The following SORBS2 variants were observed in gnomAD, a reference collection of about 807,000 sequenced individuals.
SORBS2 encodes sorbin and SH3 domain-containing protein 2.
SORBS2 carries 46 observed loss-of-function variants against 97.7 expected under a neutral mutation model. The ratio of observed to expected loss-of-function variants is 0.47; its 90% CI spans 0.37 to 0.60. The LOEUF is 0.60. SORBS2 is among the 20% of genes least tolerant of loss of function. The pLI, the probability that SORBS2 is intolerant of heterozygous loss-of-function variation, is 0.00. For missense variants in SORBS2, 1,316 were observed against 1,282.3 expected (o/e 1.03, Z -0.40); for synonymous variants, 476 against 473.4 (o/e 1.01, Z -0.07).
At chr4:185,767,848 G>C (rs2098945657) in intron 2 of SORBS2, among the ~76,000 whole-genome samples, 1 of 152,144 alleles carries the variant, frequency 6.6e-6, no homozygotes, top group African/African-American at 2.4e-5. Context: ...GAGCCTGATG[G>C]TGAGACTTTT....
intron 2 of SORBS2, 110 bp from the exon 12 acceptor site, chr4:185,649,766 T>C (rs2097280306): frequency 1.6e-6 from 1 of 611,768 alleles, no homozygotes; most frequent in Non-Finnish European, 2.5e-6. Flanking sequence ...ATAGAAATTA[T>C]TATCAATAAG....
chr4:185,598,446 T>C (rs2096171479), intron 12 of SORBS2, among the ~76,000 whole-genome samples: 1 of 152,224 alleles, frequency 6.6e-6, no homozygotes, highest in Non-Finnish European at 1.5e-5. Flanking sequence ...TGAAACATCA[T>C]GGAGTCTGTA....
exon 15 of SORBS2, chr4:185,587,098 G>A (rs2095809152): frequency 6.5e-6 from 1 of 153,948 alleles, no homozygotes; most frequent in South Asian, 2.0e-4. Context: ...GCAAACAATA[G>A]CTAAAGTACA....
chr4:185,899,500 T>G (rs943711293), intron 1 of SORBS2, among the ~76,000 whole-genome samples: 25 of 152,114 alleles, frequency 1.6e-4, no homozygotes, highest in African/African-American at 6.0e-4. Context: ...GGCGTGATCA[T>G]GGATCCCTGC....
intron 1 of SORBS2, among the ~76,000 whole-genome samples, chr4:185,948,565 T>C (rs2099275672): frequency 7.2e-6 from 1 of 138,980 alleles, no homozygotes; most frequent in South Asian, 2.4e-4. Flanking sequence ...TTGCCCAGGC[T>C]GGAGTGCAGT....
At chr4:185,617,277 A>G (rs35107119) in intron 9 of SORBS2, among the ~76,000 whole-genome samples, 32,719 of 152,178 alleles carry the variant, frequency 0.22, 3,746 homozygotes, top group African/African-American at 0.29. Context: ...GGACCGGAGT[A>G]CAGTAGAAAC....
At chr4:185,741,608 C>T (rs1388107402) in intron 2 of SORBS2, among the ~76,000 whole-genome samples, 1 of 152,004 alleles carries the variant, frequency 6.6e-6, no homozygotes, top group Non-Finnish European at 1.5e-5. Context: ...ACCTCAAATG[C>T]CCGCCTTGGC....
intron 1 of SORBS2, among the ~76,000 whole-genome samples, chr4:185,776,882 A>T (rs2099002524): frequency 6.8e-6 from 1 of 146,486 alleles, no homozygotes; most frequent in South Asian, 2.3e-4. Context: ...CCTGGGCAAC[A>T]GAGTGAGACT....
At chr4:185,915,710 C>A (rs2099257769) in intron 1 of SORBS2, among the ~76,000 whole-genome samples, 1 of 151,960 alleles carries the variant, frequency 6.6e-6, no homozygotes, top group Admixed American at 6.6e-5. Context: ...CTGCCCCCCA[C>A]CCCCAGCATT....
rs191380064 is a variant in SORBS2, at chr4:185,763,070, T to C, written c.-198+12157A>G. 8.3e-3 allele frequency among the ~76,000 whole-genome samples: 1,263 copies of C among 152,240 alleles called. 9 individuals carry two copies. The highest frequency in any genetic ancestry group is 0.014 in the Non-Finnish European group (942 of 68,010). On this transcript the variant is annotated intron_variant, in intron 2 of 20. Transcript: ENST00000284776. The stretch of plus-strand genomic sequence containing the variant: ...TGGGTGTGGTGGCAGGTGCCTGTAA[T>C]CCCAGCTATTCAGGAGGCTGAGGCA...
intron 1 of SORBS2, among the ~76,000 whole-genome samples, chr4:185,788,284 C>T (rs1444428259): frequency 1.3e-5 from 2 of 152,040 alleles, no homozygotes; most frequent in African/African-American, 4.8e-5. Context: ...AAAGAGATAC[C>T]GACAGAGAAA....
intron 5 of SORBS2, among the ~76,000 whole-genome samples, 196 bp downstream of exon 17, chr4:185,630,353 C>A (rs2096886933): frequency 6.6e-6 from 1 of 151,982 alleles, no homozygotes. Context: ...ATAATTAGTT[C>A]ACTAATTTTT....
intron 13 of SORBS2, among the ~76,000 whole-genome samples, chr4:185,590,129 A>T (rs1210387071): frequency 1.3e-5 from 2 of 152,268 alleles, no homozygotes; most frequent in Non-Finnish European, 2.9e-5. Flanking sequence ...TCTAACGTCT[A>T]TCATTTAGAC....
chr4:185,664,006 C>T (rs1019919726), intron 4 of SORBS2, among the ~76,000 whole-genome samples: 2 of 151,908 alleles, frequency 1.3e-5, no homozygotes, highest in African/African-American at 4.8e-5. Flanking sequence ...AGGCGCCCAC[C>T]ACCACGCCCG....
At chr4:185,742,619 AACACTC>A (rs1208483466) in intron 2 of SORBS2, among the ~76,000 whole-genome samples, 1 of 152,248 alleles carries the variant, frequency 6.6e-6, no homozygotes, top group Non-Finnish European at 1.5e-5. Context: ...TGACACAGTA[AACACTC>A]ACATGCCATT....
intron 4 of SORBS2, 98 bp from the exon 15 acceptor site, chr4:185,638,260 C>G: frequency 1.3e-6 from 1 of 766,854 alleles, no homozygotes; most frequent in Non-Finnish European, 2.3e-6. Flanking sequence ...CATTGACACG[C>G]AAACATGCAT....
At chr4:185,909,262 G>A (rs1481736968) in intron 1 of SORBS2, among the ~76,000 whole-genome samples, 1 of 152,190 alleles carries the variant, frequency 6.6e-6, no homozygotes, top group African/African-American at 2.4e-5. Context: ...TGGAACTGGA[G>A]GTCATTACCT....
chr4:185,949,607 T>C (rs1333688594), intron 1 of SORBS2, among the ~76,000 whole-genome samples: 1 of 151,974 alleles, frequency 6.6e-6, no homozygotes, highest in Non-Finnish European at 1.5e-5. Context: ...AGGGAAGGAA[T>C]AATGTTAAAA....
At chr4:185,927,369 A>G (rs1244293933) in intron 1 of SORBS2, among the ~76,000 whole-genome samples, 1 of 151,884 alleles carries the variant, frequency 6.6e-6, no homozygotes, top group Non-Finnish European at 1.5e-5. Context: ...TGCTGCACCT[A>G]TCAATCTGTC....
Sources: allele counts gnomAD v4.1 joint callset (sites outside exome capture counted in the v4.1 genomes callset), GRCh38; gene constraint gnomAD v4.1.1; transcripts MANE v1.5; gene names NCBI Gene and HGNC (gene_info 2026-07-23, HGNC 2026-07-21).